Variants in TLN2 observed in about 807,000 individuals in gnomAD.
TLN2 encodes talin 2.
Under a neutral mutation model 294.7 loss-of-function variants are expected in TLN2, and 118 were observed. The ratio of observed to expected loss-of-function variants is 0.40; its 90% CI spans 0.34 to 0.47. The LOEUF (loss-of-function observed/expected upper bound fraction) is 0.47, where lower values mean the gene tolerates loss of function less well. TLN2 is among the 20% of genes least tolerant of loss of function. The probability of loss-of-function intolerance (pLI) is 0.84; values close to 1 mark genes in which losing one functional copy is unlikely to be tolerated. For missense variants in TLN2, 3,083 were observed against 3,282.2 expected, an observed-to-expected ratio of 0.94 and a Z score of 1.48; for synonymous variants, 1,431 against 1,304.5, an observed-to-expected ratio of 1.10 and a Z score of -2.09.
chr15:62,538,595 T>C (rs1031716261), intron 1 of TLN2, among the ~76,000 whole-genome samples: 1 of 152,136 alleles, frequency 6.6e-6, no homozygotes, highest in African/African-American at 2.4e-5. Flanking sequence ...CAAACATCCT[T>C]CCTCCTTGGT....
chr15:62,753,539 G>T (rs927000050), intron 35 of TLN2, among the ~76,000 whole-genome samples: 1 of 152,238 alleles, frequency 6.6e-6, no homozygotes, highest in South Asian at 2.1e-4. Flanking sequence ...TCTCTCAGAA[G>T]AACAAGGACA....
intron 54 of TLN2, among the ~76,000 whole-genome samples, chr15:62,825,876 A>G (rs1196831233): frequency 1.0e-5 from 1 of 100,056 alleles, no homozygotes; most frequent in East Asian, 2.6e-4. Flanking sequence ...ATTTATATAT[A>G]TATATAATAA....
intron 2 of TLN2, among the ~76,000 whole-genome samples, chr15:62,607,214 C>G (rs1252211474): frequency 2.6e-5 from 4 of 152,170 alleles, no homozygotes; most frequent in African/African-American, 7.2e-5. Flanking sequence ...GGGAAAAGAT[C>G]TCTCTTCATG....
intron 11 of TLN2, among the ~76,000 whole-genome samples, chr15:62,684,736 C>A (rs1324733157): frequency 6.6e-6 from 1 of 151,884 alleles, no homozygotes; most frequent in Non-Finnish European, 1.5e-5. Flanking sequence ...TATTTTTGAG[C>A]TACTCAAATC....
chr15:62,833,694 A>G, intron 55 of TLN2, 65 bp downstream of exon 55: 1 of 1,571,544 alleles, frequency 6.4e-7, no homozygotes, highest in Non-Finnish European at 8.6e-7. Flanking sequence ...GGCCCAGGAA[A>G]AGAGCTACAA....
At chr15:62,429,132 G>GA (rs1329494589) in intron 1 of TLN2, among the ~76,000 whole-genome samples, 16 of 150,370 alleles carry the variant, frequency 1.1e-4, no homozygotes, top group Non-Finnish European at 2.2e-4. Flanking sequence ...GGCGGGGGTT[G>GA]GGGGGGTAGT....
At chr15:62,434,824 A>G (rs1233168562) in intron 1 of TLN2, among the ~76,000 whole-genome samples, 5 of 152,178 alleles carry the variant, frequency 3.3e-5, no homozygotes, top group African/African-American at 9.7e-5. Context: ...GGTTTGTTAC[A>G]TAGGTAAATG....
intron 1 of TLN2, among the ~76,000 whole-genome samples, chr15:62,491,343 TATATATATACACACACACACACACAC>T (rs1326570623): frequency 2.6e-5 from 3 of 113,552 alleles, no homozygotes; most frequent in African/African-American, 1.0e-4. Context: ...AAAAAATATA[TATATATATACACACACACACACACAC>T]ACACACACAC....
chr15:62,519,839 T>A (rs2140470016), intron 1 of TLN2, among the ~76,000 whole-genome samples: 1 of 152,334 alleles, frequency 6.6e-6, no homozygotes, highest in Non-Finnish European at 1.5e-5. Flanking sequence ...TTTAAAAAAG[T>A]TTTTTAGTTA....
At chr15:62,725,963 A>G (rs1325432220) in intron 27 of TLN2, among the ~76,000 whole-genome samples, 1 of 152,206 alleles carries the variant, frequency 6.6e-6, no homozygotes, top group Non-Finnish European at 1.5e-5. Context: ...TATGTGTTAA[A>G]TCAAGTTCCC....
chr15:62,685,336 G>A (rs2057191221), intron 11 of TLN2, among the ~76,000 whole-genome samples: 1 of 151,998 alleles, frequency 6.6e-6, no homozygotes, highest in African/African-American at 2.4e-5. Flanking sequence ...CTGTGTTATT[G>A]AAAACTTGGA....
chr15:62,436,095 A>AT (rs1312031566), intron 1 of TLN2, among the ~76,000 whole-genome samples: 2 of 152,254 alleles, frequency 1.3e-5, no homozygotes, highest in East Asian at 3.9e-4. Context: ...CGTACTTCCC[A>AT]TTGCTTTCTG....
intron 1 of TLN2, among the ~76,000 whole-genome samples, chr15:62,471,015 T>C (rs2037441172): frequency 1.3e-5 from 2 of 152,340 alleles, no homozygotes; most frequent in South Asian, 4.1e-4. Context: ...AAAACTCCTC[T>C]GTTTTGCTCC....
intron 6 of TLN2, among the ~76,000 whole-genome samples, chr15:62,652,682 C>T (rs188507324): frequency 6.6e-5 from 10 of 152,304 alleles, no homozygotes; most frequent in African/African-American, 2.4e-4. Context: ...ATGACCTCCT[C>T]TGTGGCGGTG....
chr15:62,659,242 A>G (rs2053562924), intron 9 of TLN2, among the ~76,000 whole-genome samples: 2 of 152,316 alleles, frequency 1.3e-5, no homozygotes, highest in South Asian at 4.1e-4. Context: ...CAGAGAGAGA[A>G]GTGGCTTGTT....
At chr15:62,655,853 G>A in intron 7 of TLN2, 91 bp from the exon 8 acceptor site, 1 of 1,416,248 alleles carries the variant, frequency 7.1e-7, no homozygotes. Flanking sequence ...CAGAGATACA[G>A]AAATCTGCAT....
At chr15:62,822,600 T>C (rs1308409340) in intron 54 of TLN2, among the ~76,000 whole-genome samples, 1 of 152,180 alleles carries the variant, frequency 6.6e-6, no homozygotes, top group Non-Finnish European at 1.5e-5. Flanking sequence ...GCAGTTTCAG[T>C]CCATACCAGC....
At chr15:62,735,981 A>C (rs1009952761) in intron 28 of TLN2, among the ~76,000 whole-genome samples, 1 of 152,192 alleles carries the variant, frequency 6.6e-6, no homozygotes, top group Non-Finnish European at 1.5e-5. Context: ...CAGACACAAA[A>C]GAATATATAT....
chr15:62,830,160 A>AC (rs971192715), intron 54 of TLN2: 4 of 152,204 alleles, frequency 2.6e-5, no homozygotes, highest in African/African-American at 9.7e-5. Flanking sequence ...AAAGAATGAA[A>AC]CACCCAGAAG....
Sources: gnomAD v4.1 joint callset for allele counts (sites outside exome capture counted in the v4.1 genomes callset) on GRCh38, gnomAD v4.1.1 for gene constraint, MANE v1.5 for transcripts, NCBI Gene and HGNC (gene_info 2026-07-23, HGNC 2026-07-21) for gene names.